KHDRBS2: variants seen among roughly 807,000 people sequenced by gnomAD.
The protein encoded by KHDRBS2 is KH domain-containing, RNA-binding, signal transduction-associated protein 2.
Under a neutral mutation model 44.3 loss-of-function variants are expected in KHDRBS2, and 26 were observed. The ratio of observed to expected loss-of-function variants is 0.59; its 90% confidence interval spans 0.43 to 0.81. KHDRBS2 has a LOEUF of 0.81. Among genes scored for constraint, KHDRBS2 ranks in the 40% least tolerant of loss-of-function variants. KHDRBS2 has a pLI of 0.00. For missense variants in KHDRBS2, 476 were observed against 433.1 expected, an observed-to-expected ratio of 1.10 and a Z score of -0.88; for synonymous variants, 194 against 151.1, an observed-to-expected ratio of 1.28 and a Z score of -2.08.
intron 6 of KHDRBS2, among the ~76,000 whole-genome samples, chr6:61,764,024 CCT>C (rs1408402191): frequency 2.6e-5 from 4 of 152,014 alleles, no homozygotes; most frequent in Non-Finnish European, 4.4e-5. Context: ...TCTTCCCCTC[CCT>C]GTGTCCATGT....
At chr6:61,777,195 G>T (rs181943934) in intron 6 of KHDRBS2, among the ~76,000 whole-genome samples, 8 of 152,170 alleles carry the variant, frequency 5.3e-5, no homozygotes, top group Middle Eastern at 6.8e-3. Flanking sequence ...GCTAAATGAT[G>T]AGTTAATGGG....
chr6:61,976,943 C>T (rs1003590202), intron 4 of KHDRBS2, among the ~76,000 whole-genome samples: 10 of 152,032 alleles, frequency 6.6e-5, no homozygotes, highest in African/African-American at 2.2e-4. Context: ...ATAAATTGTG[C>T]AGAAATTCAG....
intron 6 of KHDRBS2, among the ~76,000 whole-genome samples, chr6:61,858,910 G>A (rs1366503525): frequency 6.6e-6 from 1 of 151,742 alleles, no homozygotes; most frequent in Non-Finnish European, 1.5e-5. Context: ...TTATTGTATA[G>A]TTGTATATAT....
chr6:62,198,100 A>G (rs1563046931), intron 1 of KHDRBS2, among the ~76,000 whole-genome samples: 1 of 152,200 alleles, frequency 6.6e-6, no homozygotes, highest in Non-Finnish European at 1.5e-5. Context: ...GTGCAGAGGG[A>G]AATTTACAGC....
At chr6:61,670,722 C>CTTT in the KHDRBS2 span, among the ~76,000 whole-genome samples, 29,496 of 151,258 alleles carry the variant, frequency 0.2, 3,005 homozygotes, top group African/African-American at 0.24. Flanking sequence ...GAGATGTTTG[C>CTTT]TCATCTAGTT....
At chr6:62,168,365 G>C (rs1423695970) in intron 2 of KHDRBS2, among the ~76,000 whole-genome samples, 1 of 152,110 alleles carries the variant, frequency 6.6e-6, no homozygotes, top group Non-Finnish European at 1.5e-5. Context: ...ACATCAAAGA[G>C]ATACTTTTAA....
intron 1 of KHDRBS2, among the ~76,000 whole-genome samples, chr6:62,177,858 A>G (rs1821457163): frequency 6.6e-6 from 1 of 151,466 alleles, no homozygotes; most frequent in Non-Finnish European, 1.5e-5. Context: ...TATAAATGCT[A>G]ACATTCATAT....
chr6:62,004,347 AACT>A (rs1778827841), intron 3 of KHDRBS2, among the ~76,000 whole-genome samples: 1 of 152,132 alleles, frequency 6.6e-6, no homozygotes, highest in Admixed American at 6.6e-5. Flanking sequence ...CAGAAATACA[AACT>A]ACCATCAGAT....
the KHDRBS2 span, among the ~76,000 whole-genome samples, chr6:61,642,678 T>C: frequency 1.3e-5 from 2 of 149,760 alleles, no homozygotes; most frequent in South Asian, 2.1e-4. Flanking sequence ...AAAAAAAGAA[T>C]AATAAATTTT....
chr6:61,733,233 T>C (rs944001403), intron 6 of KHDRBS2, among the ~76,000 whole-genome samples: 3 of 151,954 alleles, frequency 2.0e-5, no homozygotes, highest in East Asian at 3.9e-4. Flanking sequence ...TATGGAGTCA[T>C]TACTGATTAA....
At position 62,056,204 on chromosome 6, in the gene KHDRBS2, G is replaced by C. The variant is rs568111081; in HGVS notation, c.220-8210C>G. 4.0e-5 allele frequency among the ~76,000 whole-genome samples: 6 copies of C among 150,020 alleles called. No homozygotes were observed. The East Asian group carries it at 1.3e-3, about 31-fold the overall frequency. ...ACTGGTACAAATGAATAAATAAATT[G>C]TGACATATTACTATGAAATATTACA... On this transcript the variant is annotated intron_variant, in intron 2 of 8. Coordinates refer to ENST00000281156, the MANE Select transcript of KHDRBS2 (RefSeq NM_152688.4).
chr6:61,789,294 T>C (rs1784274225), intron 6 of KHDRBS2, among the ~76,000 whole-genome samples: 1 of 151,298 alleles, frequency 6.6e-6, no homozygotes, highest in South Asian at 2.1e-4. Flanking sequence ...GTATTTAAAA[T>C]AGAAAGTAAA....
intron 4 of KHDRBS2, among the ~76,000 whole-genome samples, chr6:61,907,791 G>A (rs1805295246): frequency 6.6e-6 from 1 of 152,096 alleles, no homozygotes; most frequent in East Asian, 1.9e-4. Context: ...TAAGCATTAA[G>A]TCTAACTTTG....
intron 6 of KHDRBS2, among the ~76,000 whole-genome samples, chr6:61,781,490 C>G (rs1462964562): frequency 2.0e-5 from 3 of 152,068 alleles, no homozygotes; most frequent in African/African-American, 7.2e-5. Flanking sequence ...CAAAAAAGAA[C>G]AAAATAAATA....
intron 2 of KHDRBS2, among the ~76,000 whole-genome samples, chr6:62,154,848 C>T (rs905134524): frequency 1.3e-5 from 2 of 152,094 alleles, no homozygotes; most frequent in Admixed American, 1.3e-4. Flanking sequence ...CACAATTAAA[C>T]CAAAACAGGT....
At chr6:62,131,784 T>C (rs974965649) in intron 2 of KHDRBS2, among the ~76,000 whole-genome samples, 6 of 151,884 alleles carry the variant, frequency 4.0e-5, no homozygotes, top group African/African-American at 1.5e-4. Context: ...AAGTAAAGAG[T>C]AGATATGGAG....
chr6:62,126,227 G>A (rs1364224812), intron 2 of KHDRBS2, among the ~76,000 whole-genome samples: 1 of 152,200 alleles, frequency 6.6e-6, no homozygotes, highest in African/African-American at 2.4e-5. Context: ...TGGGCCTAGG[G>A]CAGTGGTGGC....
chr6:62,022,420 G>A (rs1022072411), intron 3 of KHDRBS2, among the ~76,000 whole-genome samples: 45 of 151,564 alleles, frequency 3.0e-4, no homozygotes, highest in African/African-American at 1.0e-3. Flanking sequence ...GGTAAAACTG[G>A]AGAGTGTGTT....
At chr6:61,956,405 A>G (rs1349749097) in intron 4 of KHDRBS2, among the ~76,000 whole-genome samples, 5 of 152,196 alleles carry the variant, frequency 3.3e-5, no homozygotes, top group African/African-American at 9.6e-5. Flanking sequence ...AATTGAAGAC[A>G]AAACATTTTT....
Sources: gnomAD v4.1 joint callset for allele counts (sites outside exome capture counted in the v4.1 genomes callset) on GRCh38, gnomAD v4.1.1 for gene constraint, MANE v1.5 for transcripts, NCBI Gene and HGNC (gene_info 2026-07-23, HGNC 2026-07-21) for gene names.